USH2A: variants seen among roughly 807,000 people sequenced by gnomAD.
USH2A encodes the protein usherin, also known as Usher syndrome 2A (autosomal recessive, mild).
USH2A carries 443 observed loss-of-function variants against 538.9 expected under a neutral mutation model. The observed-to-expected ratio is 0.82, with a 90% CI of 0.76 to 0.89. USH2A has a LOEUF of 0.89. USH2A is among the 40% of genes least tolerant of loss of function. USH2A has a pLI of 0.00. For synonymous variants in USH2A, 2,413 were observed against 2,273.5 expected, an observed-to-expected ratio of 1.06 and a Z score of -1.75; for missense variants, 6,633 against 6,324.8, an observed-to-expected ratio of 1.05 and a Z score of -1.65.
At chr1:216,369,747 C>T (rs1035748779) in intron 3 of USH2A, among the ~76,000 whole-genome samples, 1 of 151,560 alleles carries the variant, frequency 6.6e-6, no homozygotes, top group African/African-American at 2.4e-5. Context: ...CCCGTCTGTA[C>T]TTAAAAAATA....
At chr1:216,041,216 G>A (rs947542558) in intron 32 of USH2A, among the ~76,000 whole-genome samples, 1 of 151,980 alleles carries the variant, frequency 6.6e-6, no homozygotes, top group Non-Finnish European at 1.5e-5. Flanking sequence ...GCCTTCGGGA[G>A]GTTCTCTAAC....
chr1:216,374,142 T>A (rs1020241900), intron 3 of USH2A, among the ~76,000 whole-genome samples: 2 of 147,750 alleles, frequency 1.4e-5, no homozygotes, highest in East Asian at 4.3e-4. Flanking sequence ...TTGAGAGATA[T>A]ACCTAATGCT....
intron 41 of USH2A, among the ~76,000 whole-genome samples, chr1:215,881,422 G>A (rs1039440063): frequency 6.6e-6 from 1 of 152,204 alleles, no homozygotes; most frequent in South Asian, 2.1e-4. Context: ...TTACGGGCAT[G>A]AGCCACCACG....
intron 61 of USH2A, among the ~76,000 whole-genome samples, chr1:215,687,070 T>C (rs970470295): frequency 3.3e-5 from 5 of 152,054 alleles, no homozygotes; most frequent in Non-Finnish European, 7.4e-5. Context: ...CCCAGCCCCT[T>C]GTACATATCA....
chr1:216,083,742 AG>A (rs376612946), intron 25 of USH2A, among the ~76,000 whole-genome samples, 156 bp from the exon 26 acceptor site: 62 of 152,290 alleles, frequency 4.1e-4, no homozygotes, highest in African/African-American at 1.5e-3. Context: ...GTAATTGCAC[AG>A]AAGTGACAGA....
chr1:216,223,314 CTGA>C (rs1478678237), intron 14 of USH2A, among the ~76,000 whole-genome samples: 1 of 152,154 alleles, frequency 6.6e-6, no homozygotes, highest in Non-Finnish European at 1.5e-5. Flanking sequence ...TATATAAAAA[CTGA>C]TACTTCTTAT....
At chr1:215,936,087 T>C (rs1329259101) in intron 37 of USH2A, among the ~76,000 whole-genome samples, 5 of 151,984 alleles carry the variant, frequency 3.3e-5, no homozygotes, top group Non-Finnish European at 5.9e-5. Context: ...CTTTTTCCTA[T>C]ATAAAACCAC....
Position 215,874,018 on chromosome 1 carries a change from T to C in USH2A, c.8681+3740A>G, listed in dbSNP as rs923818932. Among the ~76,000 whole-genome samples, 7 of 152,330 alleles carry C rather than the reference T, an allele frequency of 4.6e-5. No homozygotes were observed. The East Asian group carries it at 7.7e-4, about 17-fold the overall frequency. Reference sequence around the variant, plus strand: ...CGAAAAGGAGAACATGCTCATTGTATTCTTAGCAGTTTTATCTGATCACTT... The same window carrying C: ...CGAAAAGGAGAACATGCTCATTGTACTCTTAGCAGTTTTATCTGATCACTT... On this transcript the variant is annotated intron_variant, in intron 43 of 71. Coordinates refer to ENST00000307340, the MANE Select transcript of USH2A (RefSeq NM_206933.4).
In USH2A at chr1:215,900,368, A is replaced by G. The variant is rs959243584; in HGVS notation, c.7452-151T>C. On this transcript the variant is annotated intron_variant, in intron 39 of 71. Transcript: ENST00000307340. Reference sequence around the variant, plus strand: ...CATCAAATGAGATCTCTTTTAAAATAAGTAGCCATTGGCTGAGTCTGTAAT... The same window carrying G: ...CATCAAATGAGATCTCTTTTAAAATGAGTAGCCATTGGCTGAGTCTGTAAT... 2.7e-5 allele frequency: 24 copies of G among 889,986 alleles called. No homozygotes were observed. In the Middle Eastern group the frequency reaches 9.3e-4, roughly 35 times the overall value. 55.1% of individuals were successfully genotyped at this position (889,986 alleles called of 1,614,324 possible). A position where few individuals can be genotyped will look rare whatever the true frequency, so the allele number is the denominator to read the frequency against.
At chr1:215,993,439 AG>A (rs1169966277) in intron 34 of USH2A, among the ~76,000 whole-genome samples, 1 of 151,988 alleles carries the variant, frequency 6.6e-6, no homozygotes, top group Non-Finnish European at 1.5e-5. Context: ...CTAGAGATGT[AG>A]GGCATATATT....
chr1:215,875,856 AATATATATATTAATT>A (rs946286156), intron 43 of USH2A, among the ~76,000 whole-genome samples: 3 of 147,400 alleles, frequency 2.0e-5, no homozygotes, highest in Non-Finnish European at 3.0e-5. Context: ...GACAGCAATT[AATATATATATTAATT>A]ATATATATTA....
intron 47 of USH2A, among the ~76,000 whole-genome samples, chr1:215,827,187 G>A (rs1663180041): frequency 6.6e-6 from 1 of 152,142 alleles, no homozygotes; most frequent in South Asian, 2.1e-4. Context: ...ACCTGAGCAA[G>A]GTAGGGAGTC....
At chr1:215,931,278 A>G (rs1666356215) in intron 38 of USH2A, among the ~76,000 whole-genome samples, 2 of 152,110 alleles carry the variant, frequency 1.3e-5, no homozygotes, top group East Asian at 3.9e-4. Flanking sequence ...TCAGAAAAAT[A>G]GAGGTAGGAC....
At chr1:216,195,007 A>G (rs1474812736) in intron 19 of USH2A, among the ~76,000 whole-genome samples, 1 of 152,180 alleles carries the variant, frequency 6.6e-6, no homozygotes, top group Non-Finnish European at 1.5e-5. Flanking sequence ...ATAGACCCCA[A>G]GAGCTTGGAA....
intron 32 of USH2A, among the ~76,000 whole-genome samples, chr1:216,006,473 T>G (rs1668396010): frequency 6.6e-6 from 1 of 152,224 alleles, no homozygotes; most frequent in African/African-American, 2.4e-5. Flanking sequence ...TCTATATGGC[T>G]ATCCCAGTTC....
intron 61 of USH2A, among the ~76,000 whole-genome samples, chr1:215,723,747 G>A (rs536541602): frequency 2.0e-5 from 3 of 152,290 alleles, no homozygotes; most frequent in African/African-American, 7.2e-5. Flanking sequence ...AAAGAAGACA[G>A]TAAAGTTGTT....
At chr1:215,657,974 C>A (rs1243080858) in intron 64 of USH2A, among the ~76,000 whole-genome samples, 1 of 148,822 alleles carries the variant, frequency 6.7e-6, no homozygotes, top group Non-Finnish European at 1.5e-5. Context: ...CTCTCTGTTG[C>A]CCAGGCTGGA....
chr1:215,799,670 A>C (rs1396160912), intron 49 of USH2A, among the ~76,000 whole-genome samples: 1 of 151,906 alleles, frequency 6.6e-6, no homozygotes, highest in Non-Finnish European at 1.5e-5. Context: ...TTCACATGAC[A>C]GTCTGGGAAA....
chr1:216,323,858 A>G (rs2037669568), intron 7 of USH2A, among the ~76,000 whole-genome samples, 163 bp from the exon 8 acceptor site: 1 of 152,198 alleles, frequency 6.6e-6, no homozygotes, highest in Non-Finnish European at 1.5e-5. Context: ...ATACAGGATT[A>G]TCATAGAAAG....
Sources: allele counts gnomAD v4.1 joint callset (sites outside exome capture counted in the v4.1 genomes callset), GRCh38; gene constraint gnomAD v4.1.1; transcripts MANE v1.5; gene names NCBI Gene and HGNC (gene_info 2026-07-23, HGNC 2026-07-21).